FTO: variants seen among roughly 807,000 people sequenced by gnomAD.
FTO encodes the protein alpha-ketoglutarate-dependent dioxygenase FTO.
Under a neutral mutation model 63.9 loss-of-function variants are expected in FTO, and 47 were observed. That is an observed-to-expected ratio of 0.74 (90% CI 0.58 to 0.94). The LOEUF is 0.94. FTO is among the 40% of genes least tolerant of loss of function. The pLI, the probability that FTO is intolerant of heterozygous loss-of-function variation, is 0.00. For missense variants in FTO, 562 were observed against 618.1 expected (o/e 0.91, Z 0.96); for synonymous variants, 207 against 224.4 (o/e 0.92, Z 0.69).
At chr16:53,931,046 A>T (rs1286394539) in intron 7 of FTO, among the ~76,000 whole-genome samples, 1 of 152,186 alleles carries the variant, frequency 6.6e-6, no homozygotes, top group East Asian at 1.9e-4. Context: ...TTTCTTTCTT[A>T]CATCCTTCCC....
intron 7 of FTO, among the ~76,000 whole-genome samples, chr16:53,898,610 G>C (rs901441294): frequency 1.3e-5 from 2 of 152,160 alleles, no homozygotes; most frequent in African/African-American, 2.4e-5. Context: ...ACACATGTTT[G>C]TTAAAAGAAA....
chr16:53,722,968 C>G (rs1237929598), intron 1 of FTO, among the ~76,000 whole-genome samples: 1 of 152,106 alleles, frequency 6.6e-6, no homozygotes, highest in African/African-American at 2.4e-5. Flanking sequence ...ATGTCTGAAC[C>G]ACCTATGTGT....
chr16:53,904,969 G>A (rs2081499894), intron 7 of FTO, among the ~76,000 whole-genome samples: 1 of 151,942 alleles, frequency 6.6e-6, no homozygotes, highest in Non-Finnish European at 1.5e-5. Flanking sequence ...AAGACTTTGC[G>A]GGGAACTGTG....
chr16:53,934,918 A>G (rs1265248848), intron 8 of FTO, among the ~76,000 whole-genome samples: 2 of 152,168 alleles, frequency 1.3e-5, no homozygotes, highest in Admixed American at 6.5e-5. Context: ...TCTTGTTTCA[A>G]CCTGGTCTCT....
intron 8 of FTO, among the ~76,000 whole-genome samples, chr16:54,091,530 G>A (rs1369242994): frequency 6.6e-6 from 1 of 152,162 alleles, no homozygotes; most frequent in African/African-American, 2.4e-5. Flanking sequence ...GACAGAGAGA[G>A]ACCCTGTGTC....
chr16:53,879,065 G>A (rs532497508), intron 5 of FTO, among the ~76,000 whole-genome samples: 2 of 152,260 alleles, frequency 1.3e-5, no homozygotes, highest in African/African-American at 4.8e-5. Context: ...TTGCAGCCTG[G>A]TTACCTTTCT....
At position 53,888,860 on chromosome 16, in the gene FTO, G is replaced by C; in HGVS notation, c.1148G>C (p.Trp383Ser). ...GAGTTTGAGTGGCTGAGGCAGTTTT[G>C]GTTTCAAGGCAATCGATACAGAAAG... ...EVEFEWLRQFWFQGNRYRKCT... is the reference protein window; with the variant it reads ...EVEFEWLRQFSFQGNRYRKCT... The change falls in exon 7 of 9, where the codon TGG becomes TCG. Residue 383 changes from tryptophan (W) to serine (S), a missense_variant. Transcript: ENST00000471389. 6.2e-7 allele frequency: 1 copy of C among 1,614,002 alleles called. No individual in the cohort carries two copies. The highest frequency in any genetic ancestry group is 1.1e-5 in the South Asian group (1 of 91,072).
chr16:53,955,740 C>G (rs966704874), intron 8 of FTO, among the ~76,000 whole-genome samples: 1 of 152,030 alleles, frequency 6.6e-6, no homozygotes, highest in Non-Finnish European at 1.5e-5. Context: ...GAGATAAATG[C>G]CAAGTTAAAT....
chr16:53,762,835 A>C (rs2077101758), intron 1 of FTO, among the ~76,000 whole-genome samples: 1 of 152,202 alleles, frequency 6.6e-6, no homozygotes, highest in African/African-American at 2.4e-5. Flanking sequence ...CTTAACAGAA[A>C]CTGAAGATAT....
intron 2 of FTO, among the ~76,000 whole-genome samples, chr16:53,811,128 A>G (rs75547181): frequency 0.034 from 5,153 of 152,274 alleles, 106 homozygotes; most frequent in South Asian, 0.094. Flanking sequence ...GTGGGGTTGG[A>G]GTGAGAGTAC....
intron 8 of FTO, among the ~76,000 whole-genome samples, chr16:54,060,264 G>A (rs756925197): frequency 5.9e-5 from 9 of 152,110 alleles, no homozygotes; most frequent in Admixed American, 2.0e-4. Context: ...TTTTCAAATC[G>A]TACTCTGGGT....
intron 8 of FTO, among the ~76,000 whole-genome samples, chr16:54,036,492 G>A (rs1270482177): frequency 6.6e-6 from 1 of 152,172 alleles, no homozygotes; most frequent in Non-Finnish European, 1.5e-5. Flanking sequence ...TCAAAACCTT[G>A]AGGTTCTTTT....
intron 8 of FTO, among the ~76,000 whole-genome samples, chr16:54,005,326 TTTTA>T (rs1178711789): frequency 6.1e-5 from 9 of 147,172 alleles, no homozygotes; most frequent in Non-Finnish European, 1.4e-4. Flanking sequence ...GGCCAGCAGA[TTTTA>T]TTTTATATAT....
intron 8 of FTO, among the ~76,000 whole-genome samples, chr16:54,024,523 C>G (rs1480150266): frequency 6.6e-6 from 1 of 152,110 alleles, no homozygotes; most frequent in Non-Finnish European, 1.5e-5. Flanking sequence ...TCACCGCGCC[C>G]GGCCTTGGCT....
chr16:53,874,020 G>C (rs2080577811), intron 5 of FTO, among the ~76,000 whole-genome samples, 155 bp downstream of exon 5: 1 of 152,138 alleles, frequency 6.6e-6, no homozygotes, highest in Admixed American at 6.5e-5. Context: ...TTTGAGCTTT[G>C]GATTGTGTTG....
chr16:53,938,247 G>A (rs1369908576), intron 8 of FTO, among the ~76,000 whole-genome samples: 1 of 152,214 alleles, frequency 6.6e-6, no homozygotes, highest in Non-Finnish European at 1.5e-5. Context: ...TAAGAAGAAA[G>A]CACATAATGT....
At chr16:53,953,258 T>C (rs2082842166) in intron 8 of FTO, among the ~76,000 whole-genome samples, 1 of 152,256 alleles carries the variant, frequency 6.6e-6, no homozygotes, top group Non-Finnish European at 1.5e-5. Context: ...TGCAACCTCC[T>C]TCTCCAGTAT....
intron 3 of FTO, among the ~76,000 whole-genome samples, chr16:53,836,159 G>A (rs1029870308): frequency 6.6e-6 from 1 of 152,178 alleles, no homozygotes; most frequent in Admixed American, 6.5e-5. Context: ...CCAAAGTGCT[G>A]AGATTACAGG....
At chr16:53,733,218 G>A (rs2076313255) in intron 1 of FTO, among the ~76,000 whole-genome samples, 1 of 152,116 alleles carries the variant, frequency 6.6e-6, no homozygotes, top group African/African-American at 2.4e-5. Context: ...TGCCAAACAT[G>A]GCGAAACCCC....
Sources: allele counts gnomAD v4.1 joint callset (sites outside exome capture counted in the v4.1 genomes callset), GRCh38; gene constraint gnomAD v4.1.1; transcripts MANE v1.5; gene names NCBI Gene and HGNC (gene_info 2026-07-23, HGNC 2026-07-21).